MYH9: variants seen among roughly 807,000 people sequenced by gnomAD.
MYH9 encodes the protein myosin-9.
Under a neutral mutation model 241.9 loss-of-function variants are expected in MYH9, and 29 were observed. The ratio of observed to expected loss-of-function variants is 0.12; its 90% CI spans 0.09 to 0.16. The LOEUF is 0.16. MYH9 is among the 10% of genes least tolerant of loss of function. The probability of loss-of-function intolerance (pLI) is 1.00; values close to 1 mark genes in which losing one functional copy is unlikely to be tolerated. For synonymous variants in MYH9, 1,047 were observed against 1,062.6 expected (o/e 0.99, Z 0.29); for missense variants, 1,803 against 2,595.5 (o/e 0.69, Z 6.63).
At chr22:36,380,084 T>C (rs745839301) in intron 1 of MYH9, among the ~76,000 whole-genome samples, 2 of 152,306 alleles carry the variant, frequency 1.3e-5, no homozygotes, top group African/African-American at 4.8e-5. Context: ...TTAGAGCCAG[T>C]CTCATAGTGT....
intron 1 of MYH9, among the ~76,000 whole-genome samples, chr22:36,365,650 G>C (rs561165398): frequency 6.6e-6 from 1 of 152,028 alleles, no homozygotes; most frequent in Non-Finnish European, 1.5e-5. Context: ...TAGCAGAGAC[G>C]GAGTTTCACC....
chr22:36,358,919 C>G (rs987826132), intron 1 of MYH9, among the ~76,000 whole-genome samples: 9 of 152,178 alleles, frequency 5.9e-5, no homozygotes, highest in Non-Finnish European at 1.5e-5. Context: ...CCTCTAGGAC[C>G]CCACCCATTC....
At chr22:36,327,517 C>T (rs1448334716) in intron 3 of MYH9, 29 bp from the exon 4 acceptor site, 1 of 1,613,652 alleles carries the variant, frequency 6.2e-7, no homozygotes, top group African/African-American at 1.3e-5. Context: ...CAGATTAACT[C>T]CCGCCAGATG....
chr22:36,283,485 C>T (rs2008328), intron 40 of MYH9, among the ~76,000 whole-genome samples: 65,882 of 148,616 alleles, frequency 0.44, 16,517 homozygotes, highest in East Asian at 0.81. Flanking sequence ...TGCAGCAAGC[C>T]GAGATTACAC....
intron 35 of MYH9, among the ~76,000 whole-genome samples, chr22:36,286,496 A>T (rs1459200005): frequency 1.3e-5 from 2 of 152,146 alleles, no homozygotes; most frequent in African/African-American, 4.8e-5. Flanking sequence ...GCCTCATCTC[A>T]TGTGAGGGAT....
At chr22:36,328,602 C>T (rs1475774383) in intron 3 of MYH9, among the ~76,000 whole-genome samples, 8 of 152,330 alleles carry the variant, frequency 5.3e-5, no homozygotes, top group Non-Finnish European at 1.0e-4. Flanking sequence ...AGAAATAACA[C>T]ATAAAATGGA....
intron 3 of MYH9, among the ~76,000 whole-genome samples, chr22:36,337,239 A>C (rs953228664): frequency 2.0e-5 from 3 of 152,202 alleles, no homozygotes; most frequent in African/African-American, 7.2e-5. Flanking sequence ...GCTGGCACCA[A>C]GTGAATAGAG....
intron 1 of MYH9, 96 bp from the exon 2 acceptor site, chr22:36,349,351 G>C (rs1236678392): frequency 1.1e-6 from 1 of 896,896 alleles, no homozygotes; most frequent in Non-Finnish European, 1.8e-6. Context: ...AAACTGTATA[G>C]GATTAAGACA....
At chr22:36,373,584 C>T (rs1006440085) in intron 1 of MYH9, among the ~76,000 whole-genome samples, 1 of 152,228 alleles carries the variant, frequency 6.6e-6, no homozygotes, top group African/African-American at 2.4e-5. Context: ...CCCCCACCTC[C>T]TCAGCCCCTT....
At chr22:36,311,377 G>A (rs889793771) in intron 14 of MYH9, among the ~76,000 whole-genome samples, 3 of 151,486 alleles carry the variant, frequency 2.0e-5, no homozygotes, top group African/African-American at 4.9e-5. Flanking sequence ...CTCCCCCCCC[G>A]AAACTAGGAC....
intron 1 of MYH9, among the ~76,000 whole-genome samples, chr22:36,360,319 G>C (rs1603484281): frequency 6.6e-6 from 1 of 152,134 alleles, no homozygotes; most frequent in South Asian, 2.1e-4. Context: ...AGAGGGAAGA[G>C]GGTTTCGTGG....
In MYH9 at chr22:36,335,452, C is replaced by T. The variant is rs2017483889; in HGVS notation, c.490+5918G>A. Reference sequence around the variant, plus strand: ...CCGGCTGGGTGCATTCCTGCTTCAGCAGAGTCATCCCATCTGTGGCTTCCA... The same window carrying T: ...CCGGCTGGGTGCATTCCTGCTTCAGTAGAGTCATCCCATCTGTGGCTTCCA... On this transcript the variant is annotated intron_variant, in intron 3 of 40. Transcript: ENST00000216181. Among the ~76,000 whole-genome samples, 3 of 152,360 alleles carry T rather than the reference C, an allele frequency of 2.0e-5. No homozygotes were observed. The South Asian group carries it at 6.2e-4, about 32-fold the overall frequency.
At chr22:36,327,640 G>C (rs186210493) in intron 3 of MYH9, 152 bp from the exon 4 acceptor site, 1 of 923,802 alleles carries the variant, frequency 1.1e-6, no homozygotes, top group South Asian at 1.4e-5. Context: ...CACCTGGCTA[G>C]GAGGAGCATC....
chr22:36,318,579 CCT>C (rs993325200), intron 10 of MYH9, among the ~76,000 whole-genome samples: 10 of 152,160 alleles, frequency 6.6e-5, no homozygotes, highest in Non-Finnish European at 1.3e-4. Flanking sequence ...CTGTACCTCC[CCT>C]GAGCCCCACG....
chr22:36,309,511 C>CTT (rs1477821041), intron 14 of MYH9, 115 bp from the exon 15 acceptor site: 14 of 765,132 alleles, frequency 1.8e-5, no homozygotes, highest in Non-Finnish European at 3.3e-5. Context: ...CGTGAAGACC[C>CTT]TTTGATCCAG....
At chr22:36,365,767 T>A (rs928929284) in intron 1 of MYH9, among the ~76,000 whole-genome samples, 2 of 152,222 alleles carry the variant, frequency 1.3e-5, no homozygotes, top group African/African-American at 2.4e-5. Context: ...GGCCTTTTTT[T>A]AAATTTTAAT....
At chr22:36,289,037 C>A (rs1474068098) in intron 32 of MYH9, 48 bp downstream of exon 32, 1 of 1,613,280 alleles carries the variant, frequency 6.2e-7, no homozygotes, top group Admixed American at 1.7e-5. Flanking sequence ...TCTGTGATGA[C>A]CCCACTCGGG....
chr22:36,283,737 C>T (rs374233248), intron 40 of MYH9, among the ~76,000 whole-genome samples: 290 of 152,300 alleles, frequency 1.9e-3, no homozygotes, highest in Non-Finnish European at 3.3e-3. Context: ...CCCTGAGAAA[C>T]GCAAAGGAGC....
rs1249288389 is a variant in MYH9 at position 36,288,789 on chromosome 22, C to T, written c.4708G>A (p.Glu1570Lys). 1.9e-6 allele frequency: 3 copies of T among 1,612,238 alleles called. No individual in the cohort carries two copies. Among genetic ancestry groups the T allele is most frequent in the South Asian group, 1.1e-5 (1 of 91,078 alleles). ...VNLQAMKAQF[E>K]RDLQGRDEQS... ...TCGTCCCGGCCCTGCAGGTCCCGCT[C>T]GAACTGGGCCTTCATGGCCTGCAGG... is the stretch of plus-strand genomic sequence containing the variant. The change falls in exon 33 of 41, where the codon GAG becomes AAG. Residue 1570 changes from glutamate to lysine, a missense_variant. Glu to Lys is a moderately conservative substitution (Grantham distance 56). Coordinates refer to ENST00000216181, the MANE Select transcript of MYH9 (RefSeq NM_002473.6). This position sits in a 1 kb window ranked among gnomAD's most constrained non-coding sequence, Gnocchi z 4.8.
Sources: allele counts gnomAD v4.1 joint callset (sites outside exome capture counted in the v4.1 genomes callset), GRCh38; gene constraint gnomAD v4.1.1; non-coding constraint Gnocchi (gnomAD v3.1); transcripts MANE v1.5; gene names NCBI Gene and HGNC (gene_info 2026-07-23, HGNC 2026-07-21).